TAFA1: variants seen among roughly 807,000 people sequenced by gnomAD.
The protein encoded by TAFA1 is chemokine-like protein TAFA-1.
Under a neutral mutation model 18.5 loss-of-function variants are expected in TAFA1, and 4 were observed. That is an observed-to-expected ratio of 0.22 (90% CI 0.11 to 0.49). The LOEUF is 0.49. Among genes scored for constraint, TAFA1 ranks in the 20% least tolerant of loss-of-function variants. The probability of loss-of-function intolerance (pLI) is 0.98; values close to 1 mark genes in which losing one functional copy is unlikely to be tolerated. For synonymous variants in TAFA1, 56 were observed against 55.2 expected (o/e 1.01, Z -0.06); for missense variants, 147 against 169.0 (o/e 0.87, Z 0.72).
chr3:68,022,983 T>TCC (rs1402195946), intron 2 of TAFA1, among the ~76,000 whole-genome samples: 8 of 148,652 alleles, frequency 5.4e-5, no homozygotes, highest in African/African-American at 2.0e-4. Context: ...TTTTTTTTTT[T>TCC]ACTTTGTACC....
At chr3:68,141,359 C>G (rs2065665103) in intron 2 of TAFA1, among the ~76,000 whole-genome samples, 1 of 152,168 alleles carries the variant, frequency 6.6e-6, no homozygotes, top group Non-Finnish European at 1.5e-5. Context: ...CCTTGTTCAC[C>G]TCAATTCCAT....
At chr3:68,229,597 T>C (rs895525017) in intron 2 of TAFA1, among the ~76,000 whole-genome samples, 3 of 152,320 alleles carry the variant, frequency 2.0e-5, no homozygotes, top group Middle Eastern at 3.4e-3. Flanking sequence ...AACTGTAGCA[T>C]GGCCAAGATG....
chr3:68,480,715 T>C (rs1308075706), intron 3 of TAFA1, among the ~76,000 whole-genome samples: 1 of 152,160 alleles, frequency 6.6e-6, no homozygotes, highest in Non-Finnish European at 1.5e-5. Context: ...CAGCAAATAA[T>C]GAAAGCGTAA....
At chr3:68,347,272 A>G (rs760131902) in intron 2 of TAFA1, among the ~76,000 whole-genome samples, 7 of 152,162 alleles carry the variant, frequency 4.6e-5, no homozygotes, top group Non-Finnish European at 7.4e-5. Context: ...ATGATGTTAC[A>G]ACACCTCTTC....
At chr3:68,276,394 C>G (rs1399056991) in intron 2 of TAFA1, among the ~76,000 whole-genome samples, 1 of 152,150 alleles carries the variant, frequency 6.6e-6, no homozygotes, top group African/African-American at 2.4e-5. Context: ...CCCAAAATGT[C>G]TGCAGACATT....
At chr3:68,089,290 T>C (rs1559516140) in intron 2 of TAFA1, among the ~76,000 whole-genome samples, 1 of 152,202 alleles carries the variant, frequency 6.6e-6, no homozygotes, top group African/African-American at 2.4e-5. Context: ...TAATACTTTT[T>C]GTGAAGTTTA....
chr3:68,340,757 A>C (rs2069068662), intron 2 of TAFA1, among the ~76,000 whole-genome samples: 1 of 152,212 alleles, frequency 6.6e-6, no homozygotes, highest in Non-Finnish European at 1.5e-5. Flanking sequence ...TGATAGGGTC[A>C]CATGCCCTGT....
At chr3:68,118,171 C>A (rs556385442) in intron 2 of TAFA1, among the ~76,000 whole-genome samples, 2 of 152,078 alleles carry the variant, frequency 1.3e-5, no homozygotes, top group South Asian at 2.1e-4. Flanking sequence ...TCAGTGGGAG[C>A]CCTGAGCTTG....
intron 2 of TAFA1, among the ~76,000 whole-genome samples, chr3:68,307,617 A>G (rs2068443498): frequency 6.6e-6 from 1 of 152,080 alleles, no homozygotes; most frequent in South Asian, 2.1e-4. Flanking sequence ...TTTTGGAAAC[A>G]ATATTTATAT....
chr3:67,997,780 T>C, the TAFA1 span, among the ~76,000 whole-genome samples: 655 of 152,118 alleles, frequency 4.3e-3, 1 homozygote, highest in Non-Finnish European at 7.0e-3. Flanking sequence ...TAGGATCCTA[T>C]AGAAAAAGAA....
At chr3:68,391,893 C>T (rs2070259084) in intron 2 of TAFA1, among the ~76,000 whole-genome samples, 1 of 152,076 alleles carries the variant, frequency 6.6e-6, no homozygotes, top group Admixed American at 6.6e-5. Flanking sequence ...CAGTACCAGC[C>T]ACTGCAAAAG....
intron 2 of TAFA1, among the ~76,000 whole-genome samples, chr3:68,180,115 C>T (rs944417219): frequency 1.3e-5 from 2 of 151,410 alleles, no homozygotes; most frequent in Non-Finnish European, 2.9e-5. Flanking sequence ...GCAACCTCCA[C>T]CTCCCAGTTT....
chr3:68,297,738 T>G (rs1575756928), intron 2 of TAFA1, among the ~76,000 whole-genome samples: 1 of 131,086 alleles, frequency 7.6e-6, no homozygotes, highest in Non-Finnish European at 1.6e-5. Flanking sequence ...GATCATTCAT[T>G]TTTTTTTTTT....
chr3:68,166,326 CTTCCTCCTTCCTA>C (rs1319832671), intron 2 of TAFA1, among the ~76,000 whole-genome samples: 2 of 152,162 alleles, frequency 1.3e-5, no homozygotes, highest in Non-Finnish European at 2.9e-5. Context: ...CTCTTTGTGT[CTTCCTCCTTCCTA>C]TTAGTGCTTT....
At chr3:68,104,851 C>A (rs1174826795) in intron 2 of TAFA1, among the ~76,000 whole-genome samples, 1 of 152,100 alleles carries the variant, frequency 6.6e-6, no homozygotes, top group African/African-American at 2.4e-5. Context: ...CTCCTCTAAA[C>A]TATGTGTCTG....
intron 2 of TAFA1, among the ~76,000 whole-genome samples, chr3:68,088,158 A>G (rs1184374903): frequency 1.3e-5 from 2 of 152,250 alleles, no homozygotes; most frequent in Non-Finnish European, 2.9e-5. Flanking sequence ...TACATAAATC[A>G]TACCATAATG....
At chr3:68,391,931 C>G (rs374484206) in intron 2 of TAFA1, among the ~76,000 whole-genome samples, 25 of 152,224 alleles carry the variant, frequency 1.6e-4, no homozygotes, top group Admixed American at 3.9e-4. Context: ...ACCATCAACA[C>G]TATGAAGAAA....
At chr3:67,992,713 A>C in the TAFA1 span, among the ~76,000 whole-genome samples, 1 of 152,214 alleles carries the variant, frequency 6.6e-6, no homozygotes, top group Non-Finnish European at 1.5e-5. Flanking sequence ...CATAGTCTGT[A>C]ACCTTCATTT....
At chr3:68,031,933 T>C (rs1384520707) in intron 2 of TAFA1, among the ~76,000 whole-genome samples, 1 of 152,204 alleles carries the variant, frequency 6.6e-6, no homozygotes, top group African/African-American at 2.4e-5. Flanking sequence ...ATCTGTAAAT[T>C]ATACGGATTT....
Sources: gnomAD v4.1 joint callset for allele counts (sites outside exome capture counted in the v4.1 genomes callset) on GRCh38, gnomAD v4.1.1 for gene constraint, MANE v1.5 for transcripts, NCBI Gene and HGNC (gene_info 2026-07-23, HGNC 2026-07-21) for gene names.